Variants in CROT observed in about 807,000 individuals in gnomAD.
The protein encoded by CROT is peroxisomal carnitine O-octanoyltransferase.
In CROT, 84 loss-of-function variants were observed where a neutral mutation model predicts 89.2. The ratio of observed to expected loss-of-function variants is 0.94; its 90% confidence interval spans 0.79 to 1.13. The LOEUF is 1.13. Among genes scored for constraint, CROT ranks in the 50% most tolerant of loss-of-function variants. CROT has a pLI of 0.00. For synonymous variants in CROT, 212 were observed against 239.5 expected (o/e 0.89, Z 1.06); for missense variants, 711 against 727.8 (o/e 0.98, Z 0.27).
chr7:87,396,261 T>G (rs1170738407), intron 17 of CROT, among the ~76,000 whole-genome samples: 4 of 152,144 alleles, frequency 2.6e-5, no homozygotes, highest in African/African-American at 9.7e-5. Flanking sequence ...AGACCTCATC[T>G]CTATTAAAAA....
At position 87,392,839 on chromosome 7, in the gene CROT, G is replaced by A. The variant is rs760955777; in HGVS notation, c.1598+16G>A. The A allele has an allele frequency of 1.2e-5, 19 of 1,610,224 alleles. No individual in the cohort carries two copies. Among genetic ancestry groups the A allele is most frequent in the Admixed American group, 1.0e-4 (6 of 59,486 alleles). On this transcript the variant is annotated intron_variant, in intron 16 of 17. Transcript: ENST00000331536. ...TTTCCAAAAGGTAATATAGTGTAGTGTTTTACAGCTTCATCAATTGGCTTC... is the reference window on the plus strand; with the variant it reads ...TTTCCAAAAGGTAATATAGTGTAGTATTTTACAGCTTCATCAATTGGCTTC...
intron 10 of CROT, among the ~76,000 whole-genome samples, chr7:87,377,746 C>G (rs530390875): frequency 6.6e-6 from 1 of 152,168 alleles, no homozygotes; most frequent in South Asian, 2.1e-4. Context: ...ATACCTATTT[C>G]AAAAGGTATT....
rs766739189 is a variant in CROT, at chr7:87,382,064, C to A, written c.1063-10C>A. The A allele has an allele frequency of 6.3e-7, 1 of 1,596,324 alleles. No homozygotes were observed. ...TAGATAAAATATTTTTAAGTCTTCC[C>A]TATTTTCAGGGTTCAGAGAAGGTAC... On this transcript the variant is annotated splice_polypyrimidine_tract_variant and intron_variant, in intron 11 of 17. Transcript: ENST00000331536.
chr7:87,352,855 T>C (rs867592455), intron 3 of CROT, among the ~76,000 whole-genome samples: 1 of 152,234 alleles, frequency 6.6e-6, no homozygotes, highest in Non-Finnish European at 1.5e-5. Flanking sequence ...TATTCAGATA[T>C]AGGCAAAATT....
chr7:87,370,657 CA>C (rs1806602842), intron 7 of CROT, among the ~76,000 whole-genome samples: 2 of 152,180 alleles, frequency 1.3e-5, no homozygotes, highest in Non-Finnish European at 2.9e-5. Context: ...GCACCCAGGT[CA>C]AAAATTAGAA....
In CROT at chr7:87,359,266, A is replaced by G. The variant is rs377417114; in HGVS notation, c.176A>G (p.Gln59Arg). The G allele has an allele frequency of 4.4e-6, 7 of 1,597,184 alleles. No homozygotes were observed. The African/African-American group carries it at 5.4e-5, about 12-fold the overall frequency. ...ACTGAAGAAATAGTTCAAAAATTTC[A>G]AAGTGGGATTGGAGAAAAATTGCAC... ...KKTEEIVQKF[Q>R]SGIGEKLHQK... Residue 59 changes from glutamine to arginine, a missense_variant, in exon 4 of 18, where the codon CAA (glutamine) becomes CGA (arginine). Transcript: ENST00000331536.
In CROT at chr7:87,391,642, C is replaced by T; in HGVS notation, c.1355C>T (p.Thr452Ile). Reference protein sequence around the residue: ...AMTRHFYHGRTETMRSCTVEA... With the variant: ...AMTRHFYHGRIETMRSCTVEA... ...ACAAGACATTTTTATCATGGCCGTA[C>T]AGAGACTATGCGATCATGCACAGTT... The change falls in exon 14 of 18, where the codon ACA (threonine) becomes ATA (isoleucine). Residue 452 changes from threonine (T) to isoleucine (I), a missense_variant. Thr to Ile is a moderately conservative substitution (Grantham distance 89). Coordinates refer to ENST00000331536, the MANE Select transcript of CROT (RefSeq NM_021151.4). The T allele has an allele frequency of 1.2e-6, 2 of 1,611,428 alleles. No individual in the cohort carries two copies. The highest frequency in any genetic ancestry group is 1.7e-6 in the Non-Finnish European group (2 of 1,179,116).
intron 17 of CROT, among the ~76,000 whole-genome samples, chr7:87,396,033 A>C (rs1044788299): frequency 6.6e-6 from 1 of 152,212 alleles, no homozygotes; most frequent in African/African-American, 2.4e-5. Context: ...AACTATGTCC[A>C]GATGTACATG....
intron 7 of CROT, among the ~76,000 whole-genome samples, chr7:87,371,608 C>T (rs1806632786): frequency 6.6e-6 from 1 of 152,160 alleles, no homozygotes; most frequent in South Asian, 2.1e-4. Context: ...AAATTGTCAT[C>T]CACAGTGGCA....
At chr7:87,386,975 T>G (rs1039512819) in intron 13 of CROT, among the ~76,000 whole-genome samples, 6 of 152,160 alleles carry the variant, frequency 3.9e-5, no homozygotes, top group Non-Finnish European at 8.8e-5. Flanking sequence ...TGCCTTGATC[T>G]CACTTCTTTC....
intron 3 of CROT, 139 bp downstream of exon 3, chr7:87,349,322 G>T: frequency 2.2e-6 from 1 of 462,340 alleles, no homozygotes. Context: ...AGGAATTCAA[G>T]GTGAGTTGCA....
intron 9 of CROT, 44 bp downstream of exon 9, chr7:87,375,997 T>C: frequency 1.3e-6 from 2 of 1,516,360 alleles, no homozygotes; most frequent in Non-Finnish European, 1.8e-6. Context: ...CAGATTTTTC[T>C]GGAAGACTCA....
chr7:87,346,242 C>T (rs1584612691), intron 1 of CROT, 98 bp from the exon 2 acceptor site: 1 of 152,256 alleles, frequency 6.6e-6, no homozygotes, highest in South Asian at 2.1e-4. Context: ...TGGGAACTCC[C>T]AACTCCTAGT....
At chr7:87,387,484 C>T (rs542103441) in intron 13 of CROT, among the ~76,000 whole-genome samples, 30 of 150,672 alleles carry the variant, frequency 2.0e-4, no homozygotes, top group Admixed American at 1.5e-3. Flanking sequence ...GTACAGTTGA[C>T]CCTTCAACAT....
At chr7:87,351,929 G>C (rs932235094) in intron 3 of CROT, among the ~76,000 whole-genome samples, 3 of 152,200 alleles carry the variant, frequency 2.0e-5, no homozygotes, top group Non-Finnish European at 4.4e-5. Context: ...ACATATGACT[G>C]TTTACCCTGC....
chr7:87,348,465 C>T (rs1805764530), intron 2 of CROT, among the ~76,000 whole-genome samples: 1 of 152,212 alleles, frequency 6.6e-6, no homozygotes. Flanking sequence ...GACACTTCCA[C>T]ACCTCTTTGT....
At chr7:87,368,964 A>G (rs1328479962) in intron 6 of CROT, among the ~76,000 whole-genome samples, 3 of 152,248 alleles carry the variant, frequency 2.0e-5, no homozygotes, top group African/African-American at 7.2e-5. Context: ...GCTAGATATT[A>G]CTGCAATTAA....
chr7:87,352,560 T>C (rs1024060242), intron 3 of CROT, among the ~76,000 whole-genome samples: 2 of 152,262 alleles, frequency 1.3e-5, no homozygotes, highest in African/African-American at 4.8e-5. Flanking sequence ...CAATTAGCCA[T>C]ATAAAATACA....
At chr7:87,350,520 A>G (rs1190505766) in intron 3 of CROT, among the ~76,000 whole-genome samples, 2 of 152,076 alleles carry the variant, frequency 1.3e-5, no homozygotes, top group Non-Finnish European at 2.9e-5. Context: ...GTCATCAACT[A>G]TGGTGGGCCT....
Sources: allele counts gnomAD v4.1 joint callset (sites outside exome capture counted in the v4.1 genomes callset), GRCh38; gene constraint gnomAD v4.1.1; transcripts MANE v1.5; gene names NCBI Gene and HGNC (gene_info 2026-07-23, HGNC 2026-07-21).